KRAS: variants seen among roughly 807,000 people sequenced by gnomAD.
The protein encoded by KRAS is GTPase KRas.
In KRAS, 1 loss-of-function variant was observed where a neutral mutation model predicts 21.0. The observed-to-expected ratio is 0.05, with a 90% CI of 0.02 to 0.23. The LOEUF (loss-of-function observed/expected upper bound fraction) is 0.23, where lower values mean the gene tolerates loss of function less well. KRAS is among the 10% of genes least tolerant of loss of function. The probability of loss-of-function intolerance (pLI) is 1.00; values close to 1 mark genes in which losing one functional copy is unlikely to be tolerated. For missense variants in KRAS, 107 were observed against 221.8 expected (o/e 0.48, Z 3.29); for synonymous variants, 67 against 72.5 (o/e 0.92, Z 0.39).
At position 25,227,218 on chromosome 12, in the gene KRAS, T is replaced by C. The variant is rs1367341025; in HGVS notation, c.290+16A>G. The C allele has an allele frequency of 6.3e-7, 1 of 1,585,460 alleles. No individual in the cohort carries two copies. Among genetic ancestry groups the C allele is most frequent in the Admixed American group, 1.7e-5 (1 of 59,924 alleles). ...TACTCCTTAATGTCAGCTTATTATA[T>C]TCAATTTAAACCCACCTATAATGGT... On this transcript the variant is annotated intron_variant, in intron 3 of 4. Transcript: ENST00000311936.
chr12:25,249,421 T>A (rs1033888799), intron 1 of KRAS, among the ~76,000 whole-genome samples: 1 of 145,998 alleles, frequency 6.8e-6, no homozygotes, highest in Admixed American at 6.8e-5. Flanking sequence ...TGAAACTCTG[T>A]CTCTACTAAA....
chr12:25,212,147 A>G (rs61762446), intron 4 of KRAS, among the ~76,000 whole-genome samples: 12 of 152,348 alleles, frequency 7.9e-5, no homozygotes, highest in African/African-American at 2.9e-4. Context: ...AGAATGTGAT[A>G]GAATCTTAAA....
intron 4 of KRAS, among the ~76,000 whole-genome samples, chr12:25,212,907 C>CT (rs1049939875): frequency 5.9e-5 from 9 of 151,866 alleles, no homozygotes; most frequent in Non-Finnish European, 1.3e-4. Flanking sequence ...TTTATTTTTA[C>CT]TTTTTTTAAG....
chr12:25,232,001 A>AT (rs1555194511), intron 2 of KRAS, among the ~76,000 whole-genome samples: 4 of 151,890 alleles, frequency 2.6e-5, no homozygotes, highest in Admixed American at 2.0e-4. Context: ...TGGTTCCAAG[A>AT]CCCCCCCAGC....
At chr12:25,226,512 C>G (rs989012593) in intron 3 of KRAS, among the ~76,000 whole-genome samples, 7 of 152,122 alleles carry the variant, frequency 4.6e-5, no homozygotes, top group African/African-American at 7.2e-5. Context: ...CCACTACCAC[C>G]CACCCAAATG....
chr12:25,220,296 A>G (rs1057172660), intron 4 of KRAS, among the ~76,000 whole-genome samples: 1 of 152,264 alleles, frequency 6.6e-6, no homozygotes, highest in Non-Finnish European at 1.5e-5. Context: ...TACTAGCAGA[A>G]AATAATTCTA....
intron 2 of KRAS, among the ~76,000 whole-genome samples, chr12:25,228,191 T>C (rs1951418567): frequency 1.4e-5 from 2 of 142,236 alleles, no homozygotes; most frequent in Admixed American, 7.0e-5. Context: ...TTTTTTTTTT[T>C]TTTTTTTTTT....
chr12:25,207,429 G>A lies in KRAS; in HGVS notation c.*2366C>T, dbSNP rs570965862. ...CTCAGGAGGCCGAGGCACGAGAATC[G>A]CTTGAACCTGGGAGATGGAGGTTGC... On this transcript the variant is annotated 3_prime_UTR_variant, in exon 5 of 5. Coordinates refer to ENST00000311936, the MANE Select transcript of KRAS (RefSeq NM_004985.5). The A allele has an allele frequency of 3.7e-5, 7 of 188,452 alleles. No individual in the cohort carries two copies. Among genetic ancestry groups the A allele is most frequent in the South Asian group, 3.9e-4 (2 of 5,132 alleles). The allele number at this position is 188,452 out of a possible 1,614,324, so 11.7% of individuals were successfully genotyped here. A position where few individuals can be genotyped will look rare whatever the true frequency, so the allele number is the denominator to read the frequency against.
intron 4 of KRAS, among the ~76,000 whole-genome samples, chr12:25,224,657 TA>T (rs1340919937): frequency 4.6e-5 from 7 of 152,152 alleles, no homozygotes; most frequent in Non-Finnish European, 8.8e-5. Flanking sequence ...AGTGTAGGTT[TA>T]GACACACAAA....
intron 4 of KRAS, among the ~76,000 whole-genome samples, chr12:25,223,908 G>C (rs919564255): frequency 6.6e-6 from 1 of 151,916 alleles, no homozygotes; most frequent in Non-Finnish European, 1.5e-5. Context: ...ACAAATTGAT[G>C]GAATATAGAT....
intron 1 of KRAS, 140 bp from the exon 2 acceptor site, chr12:25,245,535 T>C (rs1328876868): frequency 2.2e-6 from 2 of 913,618 alleles, no homozygotes; most frequent in East Asian, 5.3e-5. Flanking sequence ...CCTTACAAAA[T>C]TCAATCATGA....
At chr12:25,231,685 A>G (rs61761159) in intron 2 of KRAS, among the ~76,000 whole-genome samples, 10,734 of 152,202 alleles carry the variant, frequency 0.071, 448 homozygotes, top group Non-Finnish European at 0.095. Flanking sequence ...TTTCAAAGTA[A>G]TCTATAACCT....
intron 4 of KRAS, among the ~76,000 whole-genome samples, chr12:25,219,707 CAT>C (rs1171626911): frequency 6.6e-5 from 10 of 152,228 alleles, no homozygotes; most frequent in African/African-American, 1.9e-4. Flanking sequence ...CAGCCTATCT[CAT>C]GTACTATTGA....
In KRAS at chr12:25,205,688, T is replaced by C. The variant is rs944492482; in HGVS notation, c.*4107A>G. 1 of 224,082 alleles carries C rather than the reference T, an allele frequency of 4.5e-6. No homozygotes were observed. The highest frequency in any genetic ancestry group is 8.9e-6 in the Non-Finnish European group (1 of 112,940). The allele number at this position is 224,082 out of a possible 1,614,324, so 13.9% of individuals were successfully genotyped here. On this transcript the variant is annotated 3_prime_UTR_variant, in exon 5 of 5. Transcript: ENST00000311936. The stretch of plus-strand genomic sequence containing the variant: ...TGTAACCCAGTTAGCTCTGTGGGGG[T>C]GTGGGGGGAGAGATGGGCCCTCAAC...
intron 4 of KRAS, among the ~76,000 whole-genome samples, chr12:25,219,009 G>A (rs1008222112): frequency 6.7e-6 from 1 of 150,326 alleles, no homozygotes; most frequent in Admixed American, 6.6e-5. Flanking sequence ...GTGCAATCTC[G>A]GCTCACTGCA....
intron 2 of KRAS, among the ~76,000 whole-genome samples, chr12:25,231,884 A>G (rs1023204567): frequency 6.6e-6 from 1 of 152,196 alleles, no homozygotes; most frequent in African/African-American, 2.4e-5. Context: ...AGAATGGATA[A>G]ATATAAAGAG....
intron 1 of KRAS, among the ~76,000 whole-genome samples, chr12:25,248,107 C>G (rs556139317): frequency 1.3e-5 from 2 of 152,008 alleles, no homozygotes; most frequent in Admixed American, 6.5e-5. Flanking sequence ...GCGATCCTCC[C>G]GCCTCAGTCT....
intron 2 of KRAS, among the ~76,000 whole-genome samples, chr12:25,241,346 T>C (rs1951607652): frequency 6.6e-6 from 1 of 152,184 alleles, no homozygotes; most frequent in Non-Finnish European, 1.5e-5. Context: ...CTGTTACTTG[T>C]TATAAAGCAA....
intron 1 of KRAS, among the ~76,000 whole-genome samples, chr12:25,249,083 A>C (rs549469997): frequency 6.6e-6 from 1 of 152,224 alleles, no homozygotes; most frequent in Admixed American, 6.5e-5. Flanking sequence ...CAATTAGAAA[A>C]CCTGTCTGTT....
Sources: allele counts gnomAD v4.1 joint callset (sites outside exome capture counted in the v4.1 genomes callset), GRCh38; gene constraint gnomAD v4.1.1; transcripts MANE v1.5; gene names NCBI Gene and HGNC (gene_info 2026-07-23, HGNC 2026-07-21).